Variants in DENND1C observed in about 807,000 individuals in gnomAD.
DENND1C encodes the protein DENN domain-containing protein 1C.
In DENND1C, 64 loss-of-function variants were observed where a neutral mutation model predicts 87.9. The observed-to-expected ratio is 0.73, with a 90% CI of 0.60 to 0.90. DENND1C has a LOEUF of 0.90. Ranked by LOEUF, DENND1C falls within the 40% of genes least tolerant of loss-of-function variation. The probability of loss-of-function intolerance (pLI) is 0.00; values close to 1 mark genes in which losing one functional copy is unlikely to be tolerated. For missense variants in DENND1C, 980 were observed against 1,037.0 expected (o/e 0.95, Z 0.76); for synonymous variants, 384 against 424.4 (o/e 0.90, Z 1.17).
chr19:6,480,291 A>G, intron 1 of DENND1C: 7 of 1,416,304 alleles, frequency 4.9e-6, no homozygotes, highest in African/African-American at 1.4e-5. Flanking sequence ...GTGGCTGTGT[A>G]TGATTGTGTG....
intron 14 of DENND1C, among the ~76,000 whole-genome samples, chr19:6,474,519 T>C (rs986330497): frequency 5.3e-5 from 8 of 152,126 alleles, no homozygotes; most frequent in African/African-American, 1.9e-4. Context: ...ATATGGAAAA[T>C]GGGACTATCA....
In DENND1C at chr19:6,478,942, G is replaced by A. The variant is rs2092879578; in HGVS notation, c.291C>T (p.Ile97=). 6.2e-7 allele frequency: 1 copy of A among 1,613,840 alleles called. No homozygotes were observed. The change falls in exon 5 of 23, where the codon ATC becomes ATT. Residue 97 remains isoleucine (I), a synonymous_variant. Transcript: ENST00000381480. ...LRAGTQSCLC[I]LSHLPWFEVF... The stretch of plus-strand genomic sequence containing the variant: ...CCAACCCCCATATCCCGCACCTGAG[G>A]ATGCAGAGACAGCTCTGGGTACCCG...
intron 14 of DENND1C, among the ~76,000 whole-genome samples, chr19:6,473,455 G>GTTTTTT (rs1568396646): frequency 1.5e-5 from 2 of 135,584 alleles, no homozygotes. Context: ...GCCCAGCCCT[G>GTTTTTT]GTTTTTTTTT....
chr19:6,468,701 G>T, intron 20 of DENND1C, 56 bp from the exon 21 acceptor site: 1 of 1,414,242 alleles, frequency 7.1e-7, no homozygotes, highest in Non-Finnish European at 9.4e-7. Flanking sequence ...GGGGGCTGAG[G>T]CTTGCTGGAG....
At position 6,479,983 on chromosome 19, in the gene DENND1C, T is replaced by C. The variant is rs1405579080; in HGVS notation, c.82+4A>G. 3 of 1,211,632 alleles carry C rather than the reference T, an allele frequency of 2.5e-6. No individual in the cohort carries two copies. Among genetic ancestry groups the C allele is most frequent in the Non-Finnish European group, 3.4e-6 (3 of 886,384 alleles). 75.1% of individuals were successfully genotyped at this position (1,211,632 alleles called of 1,614,324 possible). A position where few individuals can be genotyped will look rare whatever the true frequency, so the allele number is the denominator to read the frequency against. ...ACTCCCTCACTCCCAGGCTCCCAAC[T>C]CACCCTCCTGCAGGGAGGCAGGGCA... On this transcript the variant is annotated splice_donor_region_variant and intron_variant, in intron 2 of 22. Coordinates refer to ENST00000381480, the MANE Select transcript of DENND1C (RefSeq NM_024898.4).
At chr19:6,470,613 T>TGTTTTTG (rs2092822658) in intron 17 of DENND1C, among the ~76,000 whole-genome samples, 1 of 124,928 alleles carries the variant, frequency 8.0e-6, no homozygotes, top group African/African-American at 3.0e-5. Context: ...AAGAACAGTT[T>TGTTTTTG]TTTTTTGTTT....
At position 6,470,626 on chromosome 19, in the gene DENND1C, T is replaced by G. The variant is rs542183969; in HGVS notation, c.1291-260A>C. Among the ~76,000 whole-genome samples, 13 of 146,250 alleles carry G rather than the reference T, an allele frequency of 8.9e-5. No individual in the cohort carries two copies. In the South Asian group the frequency reaches 1.1e-3, roughly 12 times the overall value. ...CAAAGAACAGTTTTTTTTTGTTTTT[T>G]TTTTTTTTTTGCTGAGATGCAGTCT... On this transcript the variant is annotated intron_variant, in intron 17 of 22. Coordinates refer to ENST00000381480, the MANE Select transcript of DENND1C (RefSeq NM_024898.4).
intron 15 of DENND1C, among the ~76,000 whole-genome samples, chr19:6,472,409 G>C (rs58529803): frequency 0.019 from 2,963 of 152,112 alleles, 91 homozygotes; most frequent in African/African-American, 0.068. Context: ...TGTTTTGTTT[G>C]AGACGGAGTC....
At chr19:6,479,271 GGGTTTCTGGATCTCTGGGTCCTTGAA>G (rs2092883146) in intron 4 of DENND1C, among the ~76,000 whole-genome samples, 1 of 149,828 alleles carries the variant, frequency 6.7e-6, no homozygotes, top group African/African-American at 2.5e-5. Context: ...CTGGATCTCT[GGGTTTCTGGATCTCTGGGTCCTTGAA>G]TCCCTAAGTC....
intron 15 of DENND1C, among the ~76,000 whole-genome samples, chr19:6,472,486 G>A (rs2092835270): frequency 6.6e-6 from 1 of 152,150 alleles, no homozygotes; most frequent in Non-Finnish European, 1.5e-5. Flanking sequence ...TGCCTCCCGG[G>A]TTCAAACGAT....
chr19:6,468,102 C>T lies in DENND1C; in HGVS notation c.1808G>A (p.Trp603Ter). The T allele has an allele frequency of 1.2e-6, 2 of 1,613,402 alleles. No homozygotes were observed. The highest frequency in any genetic ancestry group is 1.7e-6 in the Non-Finnish European group (2 of 1,179,676). ...SCFSLPNIPR[W>*]QPDDKKLPEP... ...TGGTAGTTTCTTATCGTCTGGTTGC[C>T]ATCTTGGTATGTTGGGCTAGGTGAG... Residue 603 changes from tryptophan to a stop codon, truncating the protein, a stop_gained, in exon 23 of 23, where the codon TGG becomes TAG. Coordinates refer to ENST00000381480, the MANE Select transcript of DENND1C (RefSeq NM_024898.4). LOFTEE classifies it low-confidence loss of function (END_TRUNC).
rs1428725994 is a variant in DENND1C at position 6,479,706 on chromosome 19, T to C, written c.139A>G (p.Met47Val). The C allele has an allele frequency of 2.5e-6, 4 of 1,613,756 alleles. No individual in the cohort carries two copies. Among genetic ancestry groups the C allele is most frequent in the Non-Finnish European group, 3.4e-6 (4 of 1,179,846 alleles). ...PDFRDQEAMQMVPKFCFPFDV... is the reference protein window; with the variant it reads ...PDFRDQEAMQVVPKFCFPFDV... The stretch of plus-strand genomic sequence containing the variant: ...AAAGGGAAGCAGAATTTAGGCACCA[T>C]CTGCATAGCTTCCTGGAGGTGAAGA... Residue 47 changes from methionine (M) to valine (V), a missense_variant, in exon 4 of 23, where the codon ATG becomes GTG. Physicochemically the swap from Met to Val is conservative, Grantham distance 21. Coordinates refer to ENST00000381480, the MANE Select transcript of DENND1C (RefSeq NM_024898.4).
rs770397017 is a variant in DENND1C, at chr19:6,467,665, C to G, written c.2245G>C (p.Ala749Pro). The G allele has an allele frequency of 1.3e-6, 2 of 1,528,008 alleles. No homozygotes were observed. Among genetic ancestry groups the G allele is most frequent in the Non-Finnish European group, 1.8e-6 (2 of 1,140,886 alleles). The allele number at this position is 1,528,008 out of a possible 1,614,324, so 94.7% of individuals were successfully genotyped here. ...SDPSSLEDPRARPPKALLAER... is the reference protein window; with the variant it reads ...SDPSSLEDPRPRPPKALLAER... The stretch of plus-strand genomic sequence containing the variant: ...GCCAGCAGGGCTTTGGGAGGCCGGG[C>G]TCTGGGGTCCTCCAGAGAACTGGGG... The change falls in exon 23 of 23, where the codon GCC becomes CCC. Residue 749 changes from alanine to proline, a missense_variant. Coordinates refer to ENST00000381480, the MANE Select transcript of DENND1C (RefSeq NM_024898.4).
In DENND1C at chr19:6,467,775, G is replaced by A. The variant is rs748919187; in HGVS notation, c.2135C>T (p.Pro712Leu). The A allele has an allele frequency of 4.6e-6, 7 of 1,524,546 alleles. No individual in the cohort carries two copies. The South Asian group carries it at 9.3e-5, about 20-fold the overall frequency. 94.4% of individuals were successfully genotyped at this position (1,524,546 alleles called of 1,614,324 possible). A position where few individuals can be genotyped will look rare whatever the true frequency, so the allele number is the denominator to read the frequency against. ...WLSTAPTEPS[P>L]PESPQILAPT... ...GGCCAGAATTTGGGGGCTTTCTGGA[G>A]GGCTGGGCTCAGTGGGTGCAGTGGA... The change falls in exon 23 of 23, where the codon CCT becomes CTT. Residue 712 changes from proline (P) to leucine (L), a missense_variant. Physicochemically the swap from Pro to Leu is moderately conservative, Grantham distance 98 (BLOSUM62 -3). Transcript: ENST00000381480.
At chr19:6,479,798 A>C in intron 3 of DENND1C, 61 bp downstream of exon 3, 1 of 1,613,814 alleles carries the variant, frequency 6.2e-7, no homozygotes, top group Non-Finnish European at 8.5e-7. Context: ...CAAGAAACCA[A>C]GTCCCCTCCC....
In DENND1C at chr19:6,468,606, C is replaced by A; in HGVS notation, c.1555G>T (p.Glu519Ter). The A allele has an allele frequency of 6.6e-7, 1 of 1,513,802 alleles. No homozygotes were observed. The highest frequency in any genetic ancestry group is 8.8e-7 in the Non-Finnish European group (1 of 1,134,468). The allele number at this position is 1,513,802 out of a possible 1,614,324, so 93.8% of individuals were successfully genotyped here. The change falls in exon 21 of 23, where the codon GAG becomes TAG. Residue 519 changes from glutamate (E) to a stop codon, truncating the protein, a stop_gained. Transcript: ENST00000381480. LOFTEE classifies it high-confidence loss of function. ...GCCCCTGGGGGCTCGGAAGTTCCCT[C>A]TTCCAGCTGGCGTCTCCTGCTGGGG... ...LRPSRRRQLE[E>*]GTSEPPGAGT...
intron 14 of DENND1C, among the ~76,000 whole-genome samples, chr19:6,473,473 T>C (rs2092841354): frequency 6.7e-6 from 1 of 148,896 alleles, no homozygotes; most frequent in Non-Finnish European, 1.5e-5. Context: ...TTTTTTTTTT[T>C]TTCATTTCTT....
rs76144316 is a variant in DENND1C, at chr19:6,479,602, G to A, written c.176+67C>T. On this transcript the variant is annotated intron_variant, in intron 4 of 22. Transcript: ENST00000381480. ...TTTCCAGATGTCTGAGTCTCTAGGTGTTGAGTCCTTGGGGCCCCTGAGAGA... is the reference window on the plus strand; with the variant it reads ...TTTCCAGATGTCTGAGTCTCTAGGTATTGAGTCCTTGGGGCCCCTGAGAGA... 542 of 1,599,746 alleles carry A rather than the reference G, an allele frequency of 3.4e-4. 1 individual carries two copies. Among genetic ancestry groups the A allele is most frequent in the Middle Eastern group, 2.2e-3 (13 of 5,974 alleles).
chr19:6,476,531 G>C, intron 10 of DENND1C: 1 of 254,640 alleles, frequency 3.9e-6, no homozygotes, highest in Non-Finnish European at 7.5e-6. Flanking sequence ...GAGTCCCTGG[G>C]TCCCTGGGTC....
Sources: allele counts gnomAD v4.1 joint callset (sites outside exome capture counted in the v4.1 genomes callset), GRCh38; gene constraint gnomAD v4.1.1; transcripts MANE v1.5; gene names NCBI Gene and HGNC (gene_info 2026-07-23, HGNC 2026-07-21).